Variants in WDR1 observed in about 807,000 individuals in gnomAD.
The protein encoded by WDR1 is WD repeat-containing protein 1.
WDR1 carries 21 observed loss-of-function variants against 71.9 expected under a neutral mutation model. That is an observed-to-expected ratio of 0.29 (90% CI 0.21 to 0.42). WDR1 has a LOEUF of 0.42. Ranked by LOEUF, WDR1 falls within the 10% of genes least tolerant of loss-of-function variation. The pLI, the probability that WDR1 is intolerant of heterozygous loss-of-function variation, is 1.00. For missense variants in WDR1, 696 were observed against 824.5 expected (o/e 0.84, Z 1.91); for synonymous variants, 424 against 347.4 (o/e 1.22, Z -2.45).
At position 10,087,752 on chromosome 4, in the gene WDR1, G is replaced by T; in HGVS notation, c.906C>A (p.Asn302Lys). 3 of 1,603,026 alleles carry T rather than the reference G, an allele frequency of 1.9e-6. No homozygotes were observed. The highest frequency in any genetic ancestry group is 2.6e-6 in the Non-Finnish European group (3 of 1,174,610). ...LLSVSLSGYI[N>K]YLDRNNPSKP... is the part of the protein sequence containing the mutation. ...TGCTGGGGTTGTTTCTGTCCAGATA[G>T]TTGATGTACCCGGACAGGGAGACAC... Residue 302 changes from asparagine to lysine, a missense_variant, in exon 8 of 15, where the codon AAC becomes AAA. Coordinates refer to ENST00000499869, the MANE Select transcript of WDR1 (RefSeq NM_017491.5).
chr4:10,090,306 T>C (rs1386185492), intron 5 of WDR1, among the ~76,000 whole-genome samples: 2 of 152,150 alleles, frequency 1.3e-5, no homozygotes, highest in Non-Finnish European at 2.9e-5. Flanking sequence ...GCTGTGCCCA[T>C]TTCACCAATG....
intron 5 of WDR1, among the ~76,000 whole-genome samples, chr4:10,097,378 A>C (rs1183497723): frequency 1.3e-5 from 2 of 152,254 alleles, no homozygotes; most frequent in African/African-American, 4.8e-5. Context: ...CAGGCCCTGC[A>C]GGCTCCCCTC....
At chr4:10,076,230 A>C (rs1764795303) in intron 14 of WDR1, 1 of 152,516 alleles carries the variant, frequency 6.6e-6, no homozygotes, top group Non-Finnish European at 1.5e-5. Flanking sequence ...CTGATGAAGG[A>C]AGCCTTGGCC....
chr4:10,076,438 G>A (rs1436740911), intron 14 of WDR1: 5 of 152,226 alleles, frequency 3.3e-5, no homozygotes, highest in African/African-American at 9.6e-5. Context: ...CACAGACCCC[G>A]ACCTCCTAAT....
In WDR1 at chr4:10,077,454, T is replaced by A. The variant is rs772102396; in HGVS notation, c.1570-6A>T. 6.2e-7 allele frequency: 1 copy of A among 1,613,946 alleles called. No individual in the cohort carries two copies. The highest frequency in any genetic ancestry group is 1.1e-5 in the South Asian group (1 of 91,086). The stretch of plus-strand genomic sequence containing the variant: ...CCATAAAAAACATTGTTCTCCTAGT[T>A]GCAGGTTGAAAACAAGAGAGGTGGC... On this transcript the variant is annotated splice_polypyrimidine_tract_variant and splice_region_variant and intron_variant, in intron 13 of 14. Transcript: ENST00000499869.
rs1385570028 is a variant in WDR1 at position 10,081,395 on chromosome 4, C to T, written c.1246G>A (p.Gly416Ser). The change falls in exon 11 of 15, where the codon GGC becomes AGC. Residue 416 changes from glycine to serine, a missense_variant. By Grantham distance (56) the Gly-to-Ser change is moderately conservative. Transcript: ENST00000499869. ...ACGACCACGGCGTATCCCCCGGGGC[C>T]GACGGCTACGCACTTTGGCTGAACG... ...LDVQPKCVAV[G>S]PGGYAVVVCI... The T allele has an allele frequency of 3.7e-6, 6 of 1,613,880 alleles. No individual in the cohort carries two copies. The highest frequency in any genetic ancestry group is 4.5e-5 in the East Asian group (2 of 44,874).
chr4:10,094,831 G>A (rs1274347073), intron 5 of WDR1: 1 of 152,210 alleles, frequency 6.6e-6, no homozygotes, highest in Non-Finnish European at 1.5e-5. Flanking sequence ...GGGCACACAG[G>A]GAATGCTGCT....
chr4:10,099,455 A>G (rs1187107177), intron 3 of WDR1, among the ~76,000 whole-genome samples: 2 of 152,276 alleles, frequency 1.3e-5, no homozygotes, highest in Non-Finnish European at 2.9e-5. Context: ...GCCCAGGGAC[A>G]CATCATGGTA....
At chr4:10,100,391 C>G (rs183031127) in intron 3 of WDR1, among the ~76,000 whole-genome samples, 1 of 152,168 alleles carries the variant, frequency 6.6e-6, no homozygotes, top group Non-Finnish European at 1.5e-5. Context: ...TTAACACGTG[C>G]GAAGTCTCCA....
chr4:10,116,188 C>T lies in WDR1; in HGVS notation c.63G>A (p.Lys21=), dbSNP rs1213804578. Residue 21 remains lysine, a synonymous_variant, in exon 2 of 15, where the codon AAG becomes AAA. Transcript: ENST00000499869. ...TGCCCTTAGGGTCGCCGCCGATGATCTTGGAGACGCCCCTCTCCACCTGCG... is the reference window on the plus strand; with the variant it reads ...TGCCCTTAGGGTCGCCGCCGATGATTTTGGAGACGCCCCTCTCCACCTGCG... The part of the protein sequence containing the change: ...SLPQVERGVS[K]IIGGDPKGNN... 1.2e-6 allele frequency: 2 copies of T among 1,613,766 alleles called. No homozygotes were observed. Among genetic ancestry groups the T allele is most frequent in the African/African-American group, 2.7e-5 (2 of 75,066 alleles).
At chr4:10,104,148 T>C (rs1212476120) in intron 2 of WDR1, among the ~76,000 whole-genome samples, 162 bp from the exon 3 acceptor site, 1 of 152,256 alleles carries the variant, frequency 6.6e-6, no homozygotes, top group African/African-American at 2.4e-5. Context: ...ACGTATCTAC[T>C]GCCTGCCTAC....
At chr4:10,108,774 G>C (rs915524082) in intron 2 of WDR1, among the ~76,000 whole-genome samples, 1 of 152,142 alleles carries the variant, frequency 6.6e-6, no homozygotes, top group Non-Finnish European at 1.5e-5. Context: ...TATCTTTTAA[G>C]GCCCAGGCAA....
chr4:10,102,958 T>C (rs1448455416), intron 3 of WDR1, among the ~76,000 whole-genome samples: 1 of 152,182 alleles, frequency 6.6e-6, no homozygotes, highest in Non-Finnish European at 1.5e-5. Flanking sequence ...AGTGAGTGAA[T>C]GAATGAGTGG....
chr4:10,115,878 C>T (rs981726175), intron 2 of WDR1: 2 of 548,660 alleles, frequency 3.6e-6, no homozygotes, highest in East Asian at 3.4e-5. Context: ...GTGCTATGAC[C>T]GTAGACAGAA....
At chr4:10,103,614 T>G (rs921228842) in intron 3 of WDR1, among the ~76,000 whole-genome samples, 3 of 152,260 alleles carry the variant, frequency 2.0e-5, no homozygotes. Flanking sequence ...AACCTCACGT[T>G]TTAAAAAGTG....
chr4:10,079,121 C>A, intron 11 of WDR1, 120 bp from the exon 12 acceptor site: 1 of 724,510 alleles, frequency 1.4e-6, no homozygotes, highest in Non-Finnish European at 2.2e-6. Flanking sequence ...CATACCCAAC[C>A]TCTTTGCAGG....
intron 2 of WDR1, among the ~76,000 whole-genome samples, chr4:10,110,111 G>T (rs1352574581): frequency 6.6e-6 from 1 of 152,152 alleles, no homozygotes; most frequent in Non-Finnish European, 1.5e-5. Flanking sequence ...GGTAGGGGTG[G>T]GATGCTGGCC....
In WDR1 at chr4:10,112,646, T is replaced by C. The variant is rs142570674; in HGVS notation, c.138+3467A>G. Among the ~76,000 whole-genome samples, 988 of 152,328 alleles carry C rather than the reference T, an allele frequency of 6.5e-3. 12 individuals carry two copies. Among genetic ancestry groups the C allele is most frequent in the African/African-American group, 0.023 (944 of 41,568 alleles). ...TGCAAAGCTGGCAACGGTGCTCGCCTCTTAGGTATGAAAGGCGATTCCACA... is the reference window on the plus strand; with the variant it reads ...TGCAAAGCTGGCAACGGTGCTCGCCCCTTAGGTATGAAAGGCGATTCCACA... On this transcript the variant is annotated intron_variant, in intron 2 of 14. Coordinates refer to ENST00000499869, the MANE Select transcript of WDR1 (RefSeq NM_017491.5).
intron 8 of WDR1, 123 bp from the exon 9 acceptor site, chr4:10,084,653 T>C: frequency 2.3e-6 from 2 of 888,386 alleles, no homozygotes; most frequent in Admixed American, 2.1e-5. Flanking sequence ...TCCATGGCAG[T>C]GCAGGTGCTC....
Sources: gnomAD v4.1 joint callset for allele counts (sites outside exome capture counted in the v4.1 genomes callset) on GRCh38, gnomAD v4.1.1 for gene constraint, MANE v1.5 for transcripts, NCBI Gene and HGNC (gene_info 2026-07-23, HGNC 2026-07-21) for gene names.